The following PHLPP2 variants were observed in gnomAD, a reference collection of about 807,000 sequenced individuals.
PHLPP2 encodes the protein PH domain leucine-rich repeat-containing protein phosphatase 2.
A neutral mutation model predicts 124.9 loss-of-function variants in PHLPP2; 66 were observed. That is an observed-to-expected ratio of 0.53 (90% CI 0.43 to 0.65). PHLPP2 has a LOEUF of 0.65. Ranked by LOEUF, PHLPP2 falls within the 30% of genes least tolerant of loss-of-function variation. PHLPP2 has a pLI of 0.00. For missense variants in PHLPP2, 1,685 were observed against 1,600.4 expected (o/e 1.05, Z -0.90); for synonymous variants, 681 against 624.7 (o/e 1.09, Z -1.34).
intron 3 of PHLPP2, chr16:71,698,533 C>G: frequency 1.4e-6 from 1 of 697,794 alleles, no homozygotes; most frequent in Non-Finnish European, 2.6e-6. Flanking sequence ...CTGGGGATAG[C>G]ACAAAGTCAG....
intron 2 of PHLPP2, among the ~76,000 whole-genome samples, chr16:71,706,722 A>G (rs2045276637): frequency 6.6e-6 from 1 of 152,184 alleles, no homozygotes; most frequent in African/African-American, 2.4e-5. Context: ...TCACACAATT[A>G]GTACATAATG....
chr16:71,663,057 C>T (rs1037340730), intron 13 of PHLPP2, among the ~76,000 whole-genome samples: 8 of 152,070 alleles, frequency 5.3e-5, no homozygotes, highest in Admixed American at 1.3e-4. Flanking sequence ...GCAGTGTGAC[C>T]GGCAATGTAT....
At chr16:71,650,122 AG>A in intron 18 of PHLPP2, 78 bp from the exon 19 acceptor site, 1 of 1,037,134 alleles carries the variant, frequency 9.6e-7, no homozygotes. Context: ...CACAGTGCTT[AG>A]GGAACTATAA....
intron 1 of PHLPP2, among the ~76,000 whole-genome samples, chr16:71,721,934 G>C (rs959238682): frequency 2.6e-5 from 4 of 152,130 alleles, no homozygotes; most frequent in Non-Finnish European, 4.4e-5. Flanking sequence ...AGTTATATTA[G>C]CCTTTTGAAG....
chr16:71,677,952 T>G (rs1488645518), intron 8 of PHLPP2: 2 of 152,200 alleles, frequency 1.3e-5, no homozygotes, highest in Non-Finnish European at 2.9e-5. Flanking sequence ...AATACTTTTT[T>G]CAACCTACTA....
intron 3 of PHLPP2, among the ~76,000 whole-genome samples, chr16:71,697,679 C>A (rs1057158274): frequency 5.3e-5 from 8 of 152,148 alleles, no homozygotes; most frequent in African/African-American, 1.7e-4. Flanking sequence ...ATGCAGTACA[C>A]AGAGAAACGT....
rs769444731 is a variant in PHLPP2, at chr16:71,714,812, T to G, written c.-6-11A>C. 1.9e-6 allele frequency: 3 copies of G among 1,604,500 alleles called. No individual in the cohort carries two copies. The highest frequency in any genetic ancestry group is 2.2e-5 in the East Asian group (1 of 44,824). On this transcript the variant is annotated splice_polypyrimidine_tract_variant and intron_variant, in intron 1 of 18. Coordinates refer to ENST00000568954, the MANE Select transcript of PHLPP2 (RefSeq NM_015020.3). ...GCGTTTCATATTTCTCTAAAAAATA[T>G]CAAGAGAAAGAAATCGTTAGCTAGA...
chr16:71,723,862 C>T, intron 1 of PHLPP2: 1 of 1,193,024 alleles, frequency 8.4e-7, no homozygotes, highest in Non-Finnish European at 1.0e-6. Flanking sequence ...GCTCCACCTC[C>T]CCCATCGGCG....
intron 2 of PHLPP2, among the ~76,000 whole-genome samples, chr16:71,710,421 C>T (rs531701304): frequency 2.0e-5 from 3 of 152,032 alleles, no homozygotes; most frequent in South Asian, 2.1e-4. Context: ...TCAGAGAAAA[C>T]GTGGGGTAAT....
chr16:71,717,352 GT>G (rs553567058), intron 1 of PHLPP2, among the ~76,000 whole-genome samples: 146 of 152,282 alleles, frequency 9.6e-4, no homozygotes, highest in African/African-American at 3.3e-3. Context: ...TGGCTTTATT[GT>G]TTAAATTTAG....
intron 15 of PHLPP2, among the ~76,000 whole-genome samples, chr16:71,657,526 C>A (rs1411737698): frequency 1.3e-5 from 2 of 151,790 alleles, no homozygotes; most frequent in Non-Finnish European, 1.5e-5. Flanking sequence ...TCCTGAGTAG[C>A]TGGGACTACA....
At chr16:71,654,071 T>C (rs1204913573) in intron 17 of PHLPP2, among the ~76,000 whole-genome samples, 3 of 151,964 alleles carry the variant, frequency 2.0e-5, no homozygotes, top group Non-Finnish European at 4.4e-5. Context: ...GGCGGGCACC[T>C]GTAGTCCCAG....
intron 2 of PHLPP2, among the ~76,000 whole-genome samples, chr16:71,705,164 C>T (rs1242084010): frequency 6.6e-6 from 1 of 152,192 alleles, no homozygotes; most frequent in East Asian, 1.9e-4. Flanking sequence ...GAAGAAACAC[C>T]TGTAAGAACC....
At chr16:71,706,791 A>G (rs1166513151) in intron 2 of PHLPP2, among the ~76,000 whole-genome samples, 1 of 152,142 alleles carries the variant, frequency 6.6e-6, no homozygotes, top group East Asian at 1.9e-4. Flanking sequence ...CAGGAAAACC[A>G]AATTATTTTA....
intron 13 of PHLPP2, among the ~76,000 whole-genome samples, chr16:71,661,614 G>C (rs967187151): frequency 6.6e-6 from 1 of 151,974 alleles, no homozygotes; most frequent in African/African-American, 2.4e-5. Flanking sequence ...CTGAAATTAA[G>C]ATTCTGCATT....
chr16:71,672,233 C>T, intron 10 of PHLPP2, 29 bp downstream of exon 10: 1 of 1,576,102 alleles, frequency 6.3e-7, no homozygotes, highest in Non-Finnish European at 8.7e-7. Context: ...TAGTAAGAAG[C>T]AAGCGCCACC....
At position 71,652,973 on chromosome 16, in the gene PHLPP2, G is replaced by A. The variant is rs2044707920; in HGVS notation, c.2634C>T (p.Cys878=). The A allele has an allele frequency of 1.2e-6, 2 of 1,613,890 alleles. No individual in the cohort carries two copies. The change falls in exon 18 of 19, where the codon TGC becomes TGT. Residue 878 remains cysteine (C), a synonymous_variant. Coordinates refer to ENST00000568954, the MANE Select transcript of PHLPP2 (RefSeq NM_015020.3). ...GATCGGCAGTGTCAGGGCGGATGTA[G>A]CACAGGAGAGCGGAGGAGCCCAACT... ...GQKLGSSALL[C]YIRPDTADPA...
At chr16:71,684,275 G>A (rs1187286782) in intron 5 of PHLPP2, among the ~76,000 whole-genome samples, 1 of 151,612 alleles carries the variant, frequency 6.6e-6, no homozygotes, top group Non-Finnish European at 1.5e-5. Context: ...ACAGGTGCAT[G>A]CCACCACACC....
intron 13 of PHLPP2, among the ~76,000 whole-genome samples, chr16:71,660,472 C>A (rs766364734): frequency 8.5e-6 from 1 of 117,190 alleles, no homozygotes; most frequent in African/African-American, 3.3e-5. Context: ...GTTGCCCAGG[C>A]TGGAGTGCAG....
Sources: allele counts gnomAD v4.1 joint callset (sites outside exome capture counted in the v4.1 genomes callset), GRCh38; gene constraint gnomAD v4.1.1; transcripts MANE v1.5; gene names NCBI Gene and HGNC (gene_info 2026-07-23, HGNC 2026-07-21).